Variants in TRPM8 observed in about 807,000 individuals in gnomAD.
The protein encoded by TRPM8 is transient receptor potential cation channel subfamily M member 8.
In TRPM8, 110 loss-of-function variants were observed where a neutral mutation model predicts 133.7. The ratio of observed to expected loss-of-function variants is 0.82; its 90% CI spans 0.70 to 0.96. The LOEUF is 0.96. Among genes scored for constraint, TRPM8 ranks in the 40% least tolerant of loss-of-function variants. The pLI is 0.00. For missense variants in TRPM8, 1,291 were observed against 1,379.5 expected, an observed-to-expected ratio of 0.94 and a Z score of 1.02; for synonymous variants, 535 against 532.3, an observed-to-expected ratio of 1.01 and a Z score of -0.07.
intron 11 of TRPM8, among the ~76,000 whole-genome samples, chr2:233,957,380 T>G (rs554498782): frequency 1.3e-4 from 20 of 151,978 alleles, no homozygotes; most frequent in South Asian, 1.0e-3. Flanking sequence ...TCCAGGCTAC[T>G]TAGGTGGCTG....
rs151229928 is a variant in TRPM8 at position 233,955,157 on chromosome 2, G to C, written c.1269G>C (p.Lys423Asn). The C allele has an allele frequency of 3.1e-5, 50 of 1,613,992 alleles. No homozygotes were observed. Among genetic ancestry groups the C allele is most frequent in the Non-Finnish European group, 4.1e-5 (48 of 1,179,986 alleles). ...YKAFSTSEQD[K>N]DNWNGQLKLL... is the part of the protein sequence containing the mutation. The stretch of plus-strand genomic sequence containing the variant: ...CCTTCAGCACCAGTGAGCAAGACAA[G>C]GATAACTGGAATGGGCAGCTGAAGC... The change falls in exon 11 of 26, where the codon AAG becomes AAC. Residue 423 changes from lysine to asparagine, a missense_variant. By Grantham distance (94) the Lys-to-Asn change is moderately conservative. Around this residue, in one of 2 missense-constraint regions of TRPM8, gnomAD observed 963 missense variants for 968.9 expected, o/e 0.99. Coordinates refer to ENST00000324695, the MANE Select transcript of TRPM8 (RefSeq NM_024080.5).
At chr2:234,012,906 T>C (rs1284926973) in intron 24 of TRPM8, among the ~76,000 whole-genome samples, 1 of 152,158 alleles carries the variant, frequency 6.6e-6, no homozygotes, top group Non-Finnish European at 1.5e-5. Flanking sequence ...ATTCTGTTAA[T>C]GTAGTGTATC....
Position 234,008,110 on chromosome 2 carries a change from T to C in TRPM8, c.3264+7T>C. 1 of 1,599,242 alleles carries C rather than the reference T, an allele frequency of 6.3e-7. No homozygotes were observed. Among genetic ancestry groups the C allele is most frequent in the South Asian group, 1.2e-5 (1 of 86,726 alleles). On this transcript the variant is annotated splice_region_variant and intron_variant, in intron 24 of 25. Coordinates refer to ENST00000324695, the MANE Select transcript of TRPM8 (RefSeq NM_024080.5). Reference sequence around the variant, plus strand: ...TAGACAACTGGATACAAAGGTATGGTTCTGTTAATAGTTTGGATTTTTTTT... The same window carrying C: ...TAGACAACTGGATACAAAGGTATGGCTCTGTTAATAGTTTGGATTTTTTTT...
intron 22 of TRPM8, among the ~76,000 whole-genome samples, chr2:234,003,225 C>A (rs1692613480): frequency 1.3e-5 from 2 of 152,168 alleles, no homozygotes; most frequent in East Asian, 3.8e-4. Context: ...CGACCCCGAA[C>A]TCGTGTCATG....
At position 234,009,593 on chromosome 2, in the gene TRPM8, A is replaced by G. The variant is rs532216540; in HGVS notation, c.3264+1490A>G. On this transcript the variant is annotated intron_variant, in intron 24 of 25. Transcript: ENST00000324695. ...GTTCGTCAGCCTGGATCCCCACTGC[A>G]CAGCGCAGAGCCTCGGCCATCACTC... Among the ~76,000 whole-genome samples the G allele has an allele frequency of 7.2e-5, 11 of 152,246 alleles. No individual in the cohort carries two copies. In the East Asian group the frequency reaches 1.9e-3, roughly 27 times the overall value.
intron 25 of TRPM8, 130 bp downstream of exon 25, chr2:234,014,784 C>A (rs1207101700): frequency 2.8e-3 from 941 of 341,024 alleles, no homozygotes; most frequent in South Asian, 8.6e-3. Context: ...ATGCATTGTG[C>A]AAAAAAAAAA....
At chr2:233,985,996 G>A in intron 21 of TRPM8, 131 bp downstream of exon 21, 1 of 839,274 alleles carries the variant, frequency 1.2e-6, no homozygotes, top group Non-Finnish European at 1.8e-6. Context: ...GGGGATTGGT[G>A]GACTGGAGGG....
chr2:233,957,329 C>CAA (rs35644215), intron 11 of TRPM8, among the ~76,000 whole-genome samples: 1 of 149,284 alleles, frequency 6.7e-6, no homozygotes, highest in African/African-American at 2.5e-5. Context: ...CTGCCCCCCC[C>CAA]AAAAAAAAAA....
rs1692214078 is a variant in TRPM8 at position 233,989,042 on chromosome 2, A to G, written c.2939+3177A>G. Among the ~76,000 whole-genome samples, 2 of 152,198 alleles carry G rather than the reference A, an allele frequency of 1.3e-5. No individual in the cohort carries two copies. The highest frequency in any genetic ancestry group is 4.8e-5 in the African/African-American group (2 of 41,450). ...TTACAGACATTAAACAAAAAGACCA[A>G]CAGCTCCTAAAACCATGGCCTTTGA... On this transcript the variant is annotated intron_variant, in intron 21 of 25. Coordinates refer to ENST00000324695, the MANE Select transcript of TRPM8 (RefSeq NM_024080.5). This position sits in a 1 kb window ranked among gnomAD's most constrained non-coding sequence, Gnocchi z 4.2.
rs576291818 is a variant in TRPM8, at chr2:233,987,774, C to T, written c.2939+1909C>T. Among the ~76,000 whole-genome samples the T allele has an allele frequency of 6.6e-5, 10 of 152,264 alleles. 1 individual carries two copies. The highest frequency in any genetic ancestry group is 4.2e-4 in the South Asian group (2 of 4,814). On this transcript the variant is annotated intron_variant, in intron 21 of 25. Coordinates refer to ENST00000324695, the MANE Select transcript of TRPM8 (RefSeq NM_024080.5). ...GTGGGAGATAATCGAATCATGGGAGCGGTTTCCCCCATACTGTTCTCATGG... is the reference window on the plus strand; with the variant it reads ...GTGGGAGATAATCGAATCATGGGAGTGGTTTCCCCCATACTGTTCTCATGG...
chr2:233,934,849 C>T (rs10490012), intron 3 of TRPM8, among the ~76,000 whole-genome samples: 50,850 of 152,066 alleles, frequency 0.33, 10,613 homozygotes, highest in African/African-American at 0.58. Flanking sequence ...ATTTCTGCTC[C>T]TATTGTGTTT....
At chr2:233,971,816 G>C (rs948587101) in intron 17 of TRPM8, among the ~76,000 whole-genome samples, 1 of 152,112 alleles carries the variant, frequency 6.6e-6, no homozygotes, top group African/African-American at 2.4e-5. Context: ...TAGAGCGAAA[G>C]AACAAAGCTT....
At chr2:234,013,219 A>G (rs979445459) in intron 24 of TRPM8, 1 of 152,208 alleles carries the variant, frequency 6.6e-6, no homozygotes, top group East Asian at 1.9e-4. Context: ...ACTGTCTGCT[A>G]GAATTTACCA....
At chr2:233,933,530 C>T (rs1249518227) in intron 3 of TRPM8, among the ~76,000 whole-genome samples, 1 of 152,160 alleles carries the variant, frequency 6.6e-6, no homozygotes, top group African/African-American at 2.4e-5. Context: ...GGTATCTGCA[C>T]TCCTAATGTC....
chr2:233,996,415 A>C lies in TRPM8; in HGVS notation c.3029A>C (p.Asn1010Thr), dbSNP rs777942830. 1 of 1,614,182 alleles carries C rather than the reference A, an allele frequency of 6.2e-7. No individual in the cohort carries two copies. The highest frequency in any genetic ancestry group is 8.5e-7 in the Non-Finnish European group (1 of 1,180,030). Residue 1010 changes from asparagine to threonine, a missense_variant, in exon 22 of 26, where the codon AAT becomes ACT. Physicochemically the swap from Asn to Thr is moderately conservative, Grantham distance 65. This residue lies in a region of TRPM8 where 328 missense variants were observed against 410.6 expected (regional missense o/e 0.80). Coordinates refer to ENST00000324695, the MANE Select transcript of TRPM8 (RefSeq NM_024080.5). ...GTGCAGGAGTACTGCAGCCGCCTCA[A>C]TATCCCCTTCCCCTTCATCGTCTTC... ...FLVQEYCSRL[N>T]IPFPFIVFAY...
intron 1 of TRPM8, among the ~76,000 whole-genome samples, chr2:233,925,263 C>G (rs990056720): frequency 2.6e-5 from 4 of 152,174 alleles, no homozygotes; most frequent in African/African-American, 9.7e-5. Flanking sequence ...TGCACTGTGC[C>G]AGGCCCTGGA....
At chr2:233,926,435 G>C in intron 1 of TRPM8, 98 bp from the exon 2 acceptor site, 1 of 871,016 alleles carries the variant, frequency 1.1e-6, no homozygotes, top group Non-Finnish European at 1.9e-6. Flanking sequence ...CGTGGCAAAG[G>C]GGAGAGGGTG....
intron 10 of TRPM8, among the ~76,000 whole-genome samples, chr2:233,954,831 T>C (rs1464165436): frequency 6.6e-6 from 1 of 152,232 alleles, no homozygotes; most frequent in Non-Finnish European, 1.5e-5. Flanking sequence ...CCTTGAAATA[T>C]AATACTATGG....
chr2:233,959,929 G>A (rs150010403), intron 11 of TRPM8, among the ~76,000 whole-genome samples: 2,149 of 150,346 alleles, frequency 0.014, 44 homozygotes, highest in African/African-American at 0.051. Context: ...CTGCAGGTGC[G>A]TGCCACCACA....
Sources: allele counts gnomAD v4.1 joint callset (sites outside exome capture counted in the v4.1 genomes callset), GRCh38; gene constraint gnomAD v4.1.1; regional missense constraint gnomAD v4.1.1; non-coding constraint Gnocchi (gnomAD v3.1); transcripts MANE v1.5; gene names NCBI Gene and HGNC (gene_info 2026-07-23, HGNC 2026-07-21).